Variants in PCDHGB1 observed in about 807,000 individuals in gnomAD.
The protein encoded by PCDHGB1 is protocadherin gamma-B1.
PCDHGB1 carries 34 observed loss-of-function variants against 56.6 expected under a neutral mutation model. The observed-to-expected ratio is 0.60, with a 90% CI of 0.46 to 0.80. The LOEUF (loss-of-function observed/expected upper bound fraction) is 0.80, where lower values mean the gene tolerates loss of function less well. Among genes scored for constraint, PCDHGB1 ranks in the 30% least tolerant of loss-of-function variants. The pLI, the probability that PCDHGB1 is intolerant of heterozygous loss-of-function variation, is 0.00. For missense variants in PCDHGB1, 1,278 were observed against 1,204.6 expected (o/e 1.06, Z -0.90); for synonymous variants, 561 against 505.9 (o/e 1.11, Z -1.46).
chr5:141,359,666 T>C lies in PCDHGB1; in HGVS notation c.2409+6997T>C, dbSNP rs575464328. Among the ~76,000 whole-genome samples, 19 of 152,200 alleles carry C rather than the reference T, an allele frequency of 1.2e-4. No homozygotes were observed. In the South Asian group the frequency reaches 3.9e-3, roughly 32 times the overall value. On this transcript the variant is annotated intron_variant, in intron 1 of 3. Transcript: ENST00000523390. ...GAAGGAGACAGAATATTTATAAAAA[T>C]CCGTTGCCCTATACAAGACATATCT...
At chr5:141,422,292 T>C in intron 1 of PCDHGB1, 1 of 1,552,434 alleles carries the variant, frequency 6.4e-7, no homozygotes. Context: ...CTTCTATTAA[T>C]TCAATTCTGG....
chr5:141,418,254 A>T (rs1217236221), intron 1 of PCDHGB1: 2 of 1,613,904 alleles, frequency 1.2e-6, no homozygotes, highest in African/African-American at 2.7e-5. Flanking sequence ...CACGCCCCTC[A>T]ATTCCGGAAA....
In PCDHGB1 at chr5:141,485,269, C is replaced by T. The variant is rs760197007; in HGVS notation, c.2410-9538C>T. The T allele has an allele frequency of 6.2e-7, 1 of 1,614,090 alleles. No homozygotes were observed. Among genetic ancestry groups the T allele is most frequent in the Admixed American group, 1.7e-5 (1 of 60,028 alleles). On this transcript the variant is annotated intron_variant, in intron 1 of 3. Transcript: ENST00000523390. The surrounding 1 kb of genome is among the most constrained non-coding windows in gnomAD (Gnocchi z 5.7). ...TGGGTTACGTTTGTGGGCAGATCCG[C>T]TACCCGGTCCCAGAGGAGTCACAGG... is the stretch of plus-strand genomic sequence containing the variant.
intron 1 of PCDHGB1, chr5:141,356,485 A>G: frequency 6.2e-7 from 1 of 1,613,910 alleles, no homozygotes; most frequent in East Asian, 2.2e-5. Flanking sequence ...TGACCAGGGA[A>G]CTCCTCCACT....
chr5:141,375,971 C>G (rs1412854322), intron 1 of PCDHGB1: 1 of 1,613,374 alleles, frequency 6.2e-7, no homozygotes, highest in Non-Finnish European at 8.5e-7. Context: ...GCGCACGGCG[C>G]GCGCCCTGCT....
At chr5:141,389,227 C>A (rs1412412051) in intron 1 of PCDHGB1, 1 of 1,613,906 alleles carries the variant, frequency 6.2e-7, no homozygotes, top group Non-Finnish European at 8.5e-7. Context: ...GACAACGCTC[C>A]GGTTTTCTCA....
At chr5:141,470,059 G>A (rs1206799372) in intron 1 of PCDHGB1, among the ~76,000 whole-genome samples, 6 of 152,186 alleles carry the variant, frequency 3.9e-5, no homozygotes, top group African/African-American at 1.4e-4. Context: ...AACCCCGGAG[G>A]CAGAGACTGT....
intron 1 of PCDHGB1, among the ~76,000 whole-genome samples, chr5:141,484,096 G>T (rs539388257): frequency 6.6e-6 from 1 of 152,244 alleles, no homozygotes; most frequent in Non-Finnish European, 1.5e-5. Flanking sequence ...GTCTTCGTTG[G>T]TAATTAACAA....
chr5:141,487,404 C>A lies in PCDHGB1; in HGVS notation c.2410-7403C>A, dbSNP rs771371344. 1.2e-6 allele frequency: 2 copies of A among 1,614,178 alleles called. No homozygotes were observed. Among genetic ancestry groups the A allele is most frequent in the Non-Finnish European group, 1.7e-6 (2 of 1,180,032 alleles). ...AGATCTCGAAGGAGGGAGGGGCTTC[C>A]CCCTTCCAATGGGATCCTCCGAATC... is the stretch of plus-strand genomic sequence containing the variant. On this transcript the variant is annotated intron_variant, in intron 1 of 3. Coordinates refer to ENST00000523390, the MANE Select transcript of PCDHGB1 (RefSeq NM_018922.3). The surrounding 1 kb of genome is among the most constrained non-coding windows in gnomAD (Gnocchi z 5.0).
chr5:141,385,066 C>T, intron 1 of PCDHGB1: 2 of 1,614,194 alleles, frequency 1.2e-6, no homozygotes, highest in South Asian at 1.1e-5. Context: ...GCACAAGTCA[C>T]GCCTGCTGCA....
chr5:141,427,425 AC>A (rs1184817093), intron 1 of PCDHGB1: 2 of 469,034 alleles, frequency 4.3e-6, no homozygotes, highest in Non-Finnish European at 8.5e-6. Flanking sequence ...TGGGGAGGTT[AC>A]ATGCCTCATA....
At chr5:141,409,402 C>G (rs2095262140) in intron 1 of PCDHGB1, 2 of 1,613,924 alleles carry the variant, frequency 1.2e-6, no homozygotes, top group Non-Finnish European at 8.5e-7. Context: ...CTTCCAATAA[C>G]TACTACAAAC....
In PCDHGB1 at chr5:141,352,471, C is replaced by T. The variant is rs746391731; in HGVS notation, c.2211C>T (p.Pro737=). The change falls in exon 1 of 4, where the codon CCC becomes CCT. Residue 737 remains proline, a synonymous_variant. Transcript: ENST00000523390. ...CCAAGTCTGGGCCCGGGGTTCCTCC[C>T]AACCACAGCGAGGGGACTTTGCCCT... The part of the protein sequence containing the change: ...LCSKSGPGVP[P]NHSEGTLPYS... 3.7e-6 allele frequency: 6 copies of T among 1,614,034 alleles called. No individual in the cohort carries two copies. Among genetic ancestry groups the T allele is most frequent in the Non-Finnish European group, 5.1e-6 (6 of 1,179,894 alleles).
At chr5:141,505,347 T>C in intron 2 of PCDHGB1, 46 bp from the exon 3 acceptor site, 4 of 1,613,346 alleles carry the variant, frequency 2.5e-6, no homozygotes, top group Non-Finnish European at 2.5e-6. Context: ...GGGCATGAGC[T>C]GTGCCGGCCT....
intron 1 of PCDHGB1, chr5:141,419,090 G>T: frequency 6.2e-7 from 1 of 1,613,922 alleles, no homozygotes; most frequent in Non-Finnish European, 8.5e-7. Flanking sequence ...TGAGGCCCTG[G>T]ATCGGGAGCA....
At chr5:141,495,841 G>A (rs1187067340) in intron 2 of PCDHGB1, among the ~76,000 whole-genome samples, 1 of 151,864 alleles carries the variant, frequency 6.6e-6, no homozygotes, top group Non-Finnish European at 1.5e-5. Context: ...CAGCCTCTAT[G>A]TTTCTCTGTC....
intron 1 of PCDHGB1, chr5:141,375,169 A>G: frequency 6.2e-7 from 1 of 1,614,010 alleles, no homozygotes; most frequent in South Asian, 1.1e-5. Flanking sequence ...GTGCACCTCC[A>G]GGAACAGTAA....
At chr5:141,384,640 T>C (rs1780304566) in intron 1 of PCDHGB1, 1 of 1,613,956 alleles carries the variant, frequency 6.2e-7, no homozygotes, top group Admixed American at 1.7e-5. Context: ...GGCACCCCGC[T>C]CCGCAGAGCC....
chr5:141,448,179 G>C (rs763996329), intron 1 of PCDHGB1, among the ~76,000 whole-genome samples: 1 of 151,982 alleles, frequency 6.6e-6, no homozygotes, highest in Non-Finnish European at 1.5e-5. Context: ...ATTCATCCCT[G>C]GTTATGTACA....
Sources: allele counts gnomAD v4.1 joint callset (sites outside exome capture counted in the v4.1 genomes callset), GRCh38; gene constraint gnomAD v4.1.1; non-coding constraint Gnocchi (gnomAD v3.1); transcripts MANE v1.5; gene names NCBI Gene and HGNC (gene_info 2026-07-23, HGNC 2026-07-21).